Variants in ABHD2 observed in about 807,000 individuals in gnomAD.
ABHD2 encodes monoacylglycerol lipase ABHD2.
ABHD2 carries 20 observed loss-of-function variants against 48.1 expected under a neutral mutation model. The ratio of observed to expected loss-of-function variants is 0.42; its 90% CI spans 0.29 to 0.60. The LOEUF (loss-of-function observed/expected upper bound fraction) is 0.60. Among genes scored for constraint, ABHD2 ranks in the 20% least tolerant of loss-of-function variants. The probability of loss-of-function intolerance (pLI) is 0.24; values close to 1 mark genes in which losing one functional copy is unlikely to be tolerated. For synonymous variants in ABHD2, 209 were observed against 214.2 expected, an observed-to-expected ratio of 0.98 and a Z score of 0.21; for missense variants, 405 against 550.9, an observed-to-expected ratio of 0.74 and a Z score of 2.65.
intron 3 of ABHD2, among the ~76,000 whole-genome samples, chr15:89,133,051 C>T (rs2050244623): frequency 1.3e-5 from 2 of 152,324 alleles, no homozygotes; most frequent in South Asian, 2.1e-4. Context: ...CATTTGTGCT[C>T]AAGGCTCACC....
rs574766704 is a variant in ABHD2 at position 89,163,902 on chromosome 15, G to T, written c.538+8368G>T. Among the ~76,000 whole-genome samples, 9 of 152,354 alleles carry T rather than the reference G, an allele frequency of 5.9e-5. No homozygotes were observed. In the East Asian group the frequency reaches 1.7e-3, roughly 29 times the overall value. Reference sequence around the variant, plus strand: ...CAGAGTTAATGAGTGGGCAGCCCAGGCTTCAAACACAGGCAGTCTCGCAGT... The same window carrying T: ...CAGAGTTAATGAGTGGGCAGCCCAGTCTTCAAACACAGGCAGTCTCGCAGT... On this transcript the variant is annotated intron_variant, in intron 5 of 10. Coordinates refer to ENST00000352732, the MANE Select transcript of ABHD2 (RefSeq NM_152924.5).
the ABHD2 span, among the ~76,000 whole-genome samples, chr15:89,056,259 A>T: frequency 1.3e-5 from 2 of 152,166 alleles, no homozygotes; most frequent in African/African-American, 2.4e-5. Context: ...TAGGAAAAAA[A>T]CTCACAAAAC....
At chr15:89,082,723 G>A (rs1901302544), upstream of ABHD2, 1 of 151,454 alleles carries the variant, frequency 6.6e-6, no homozygotes, top group Admixed American at 6.5e-5. The surrounding 1 kb of genome is among the most constrained non-coding windows in gnomAD (Gnocchi z 4.4). Flanking sequence ...AGGAATGAAT[G>A]GGACTTCATG....
the ABHD2 span, among the ~76,000 whole-genome samples, chr15:89,080,635 A>C: frequency 6.6e-6 from 1 of 152,070 alleles, no homozygotes; most frequent in African/African-American, 2.4e-5. Flanking sequence ...TAACGGCTGT[A>C]TGTGATACCA....
the ABHD2 span, among the ~76,000 whole-genome samples, chr15:89,049,205 G>A: frequency 3.9e-5 from 6 of 152,178 alleles, no homozygotes; most frequent in Non-Finnish European, 8.8e-5. Flanking sequence ...CTGCCCGGAG[G>A]TCAGGCATCA....
At chr15:89,053,970 G>C in the ABHD2 span, among the ~76,000 whole-genome samples, 1 of 152,146 alleles carries the variant, frequency 6.6e-6, no homozygotes, top group African/African-American at 2.4e-5. Flanking sequence ...TCTCCCTGCA[G>C]CCCAAGAGAG....
rs896422329 is a variant in ABHD2, at chr15:89,173,850, G to A, written c.539-1962G>A. On this transcript the variant is annotated intron_variant, in intron 5 of 10. Transcript: ENST00000352732. The surrounding 1 kb of genome is among the most constrained non-coding windows in gnomAD (Gnocchi z 6.5). ...CTACTATCTCACTGGAGAGGGAGACGGGCTGCCTTCTCAAAGTTGGTGCCT... is the reference window on the plus strand; with the variant it reads ...CTACTATCTCACTGGAGAGGGAGACAGGCTGCCTTCTCAAAGTTGGTGCCT... 6.6e-6 allele frequency among the ~76,000 whole-genome samples: 1 copy of A among 152,152 alleles called. No individual in the cohort carries two copies. The highest frequency in any genetic ancestry group is 2.4e-5 in the African/African-American group (1 of 41,438).
At chr15:89,105,253 A>C (rs1328607934) in intron 1 of ABHD2, among the ~76,000 whole-genome samples, 1 of 152,228 alleles carries the variant, frequency 6.6e-6, no homozygotes, top group Non-Finnish European at 1.5e-5. Flanking sequence ...GCCCGATTAA[A>C]TGTTCCTGTT....
Position 89,114,313 on chromosome 15 carries a change from A to G in ABHD2, c.-7+489A>G, listed in dbSNP as rs2049921929. 6.6e-6 allele frequency among the ~76,000 whole-genome samples: 1 copy of G among 152,152 alleles called. No homozygotes were observed. Among genetic ancestry groups the G allele is most frequent in the Non-Finnish European group, 1.5e-5 (1 of 68,030 alleles). On this transcript the variant is annotated intron_variant, in intron 2 of 10. Transcript: ENST00000352732. This position sits in a 1 kb window ranked among gnomAD's most constrained non-coding sequence, Gnocchi z 4.2. ...TCTGCCCAGAAAACTGCTCATGTGCACAAACTTTCACATGATTTCAGGGGG... is the reference window on the plus strand; with the variant it reads ...TCTGCCCAGAAAACTGCTCATGTGCGCAAACTTTCACATGATTTCAGGGGG...
At chr15:89,082,365 TTAAC>T in the ABHD2 span, 1 of 152,152 alleles carries the variant, frequency 6.6e-6, no homozygotes, top group Admixed American at 6.5e-5. This position sits in a 1 kb window ranked among gnomAD's most constrained non-coding sequence, Gnocchi z 4.4. Flanking sequence ...GACGAAGCCA[TTAAC>T]TAAGATGAAG....
At chr15:89,069,778 C>G in the ABHD2 span, among the ~76,000 whole-genome samples, 964 of 147,222 alleles carry the variant, frequency 6.5e-3, 15 homozygotes, top group African/African-American at 0.023. Flanking sequence ...CTCCCAGGTT[C>G]AAGTGATTCT....
chr15:89,112,853 G>T (rs1454856929), intron 1 of ABHD2, among the ~76,000 whole-genome samples: 1 of 151,730 alleles, frequency 6.6e-6, no homozygotes, highest in Non-Finnish European at 1.5e-5. Flanking sequence ...CCCACCAGCT[G>T]TATGACACTG....
At chr15:89,059,123 C>G in the ABHD2 span, among the ~76,000 whole-genome samples, 3 of 152,182 alleles carry the variant, frequency 2.0e-5, no homozygotes, top group Non-Finnish European at 4.4e-5. Context: ...GAAATTTTCT[C>G]TCCTCTCCAG....
chr15:89,153,066 G>A (rs2050618831), intron 4 of ABHD2, among the ~76,000 whole-genome samples: 2 of 152,132 alleles, frequency 1.3e-5, no homozygotes, highest in Admixed American at 6.5e-5. Flanking sequence ...TATTCCCTCT[G>A]CCTGGAATGC....
chr15:89,124,132 A>G (rs2050096658), intron 3 of ABHD2, among the ~76,000 whole-genome samples: 1 of 152,254 alleles, frequency 6.6e-6, no homozygotes, highest in African/African-American at 2.4e-5. Context: ...AGTATTAAAT[A>G]ATTAGAAATA....
At position 89,201,962 on chromosome 15, in the gene ABHD2, G is replaced by A. The variant is rs766595134; in HGVS notation, c.*6539G>A. 65 of 485,630 alleles carry A rather than the reference G, an allele frequency of 1.3e-4. No individual in the cohort carries two copies. The highest frequency in any genetic ancestry group is 2.2e-4 in the Non-Finnish European group (61 of 272,880). The allele number at this position is 485,630 out of a possible 1,614,324, so 30.1% of individuals were successfully genotyped here. A position where few individuals can be genotyped will look rare whatever the true frequency, so the allele number is the denominator to read the frequency against. On this transcript the variant is annotated 3_prime_UTR_variant, in exon 11 of 11. Transcript: ENST00000352732. ...ATCTGCTTCCAGATTGATTTTTAGA[G>A]CACCATCACTTTCACATTCCTGATT... is the stretch of plus-strand genomic sequence containing the variant.
chr15:89,095,063 C>CAAAA (rs72090062), intron 1 of ABHD2, among the ~76,000 whole-genome samples: 5 of 53,760 alleles, frequency 9.3e-5, no homozygotes, highest in Admixed American at 1.9e-4. Flanking sequence ...GACTGTGTCT[C>CAAAA]AAAAAAAAAA....
At chr15:89,041,999 T>G in the ABHD2 span, among the ~76,000 whole-genome samples, 9 of 152,310 alleles carry the variant, frequency 5.9e-5, no homozygotes, top group African/African-American at 1.7e-4. Flanking sequence ...CGTCCATCTT[T>G]ATCTTATCCA....
At chr15:89,134,526 G>A (rs2050272180) in intron 3 of ABHD2, among the ~76,000 whole-genome samples, 1 of 152,064 alleles carries the variant, frequency 6.6e-6, no homozygotes, top group Admixed American at 6.5e-5. Flanking sequence ...TTGCAGCTTT[G>A]TACTATGTTT....
Sources: gnomAD v4.1 joint callset for allele counts (sites outside exome capture counted in the v4.1 genomes callset) on GRCh38, gnomAD v4.1.1 for gene constraint, Gnocchi (gnomAD v3.1) non-coding constraint, MANE v1.5 for transcripts, NCBI Gene and HGNC (gene_info 2026-07-23, HGNC 2026-07-21) for gene names.